SCNN1D: variants seen among roughly 807,000 people sequenced by gnomAD.
SCNN1D encodes sodium channel epithelial 1 subunit delta.
In SCNN1D, 104 loss-of-function variants were observed where a neutral mutation model predicts 87.8. The observed-to-expected ratio is 1.18, with a 90% confidence interval of 1.01 to 1.39. The LOEUF (loss-of-function observed/expected upper bound fraction) is 1.39. SCNN1D is among the 40% of genes most tolerant of loss of function. The pLI, the probability that SCNN1D is intolerant of heterozygous loss-of-function variation, is 0.00. For missense variants in SCNN1D, 1,324 were observed against 1,093.9 expected, an observed-to-expected ratio of 1.21 and a Z score of -2.97; for synonymous variants, 628 against 481.2, an observed-to-expected ratio of 1.31 and a Z score of -3.99.
At chr1:1,282,056 C>A (rs1457132334) in intron 3 of SCNN1D, 186 bp from the exon 4 acceptor site, 1 of 606,502 alleles carries the variant, frequency 1.6e-6, no homozygotes, top group Non-Finnish European at 3.0e-6. Flanking sequence ...GGGGAGAAGC[C>A]CCAGGCCTGT....
At chr1:1,285,905 C>G (rs1006772262) in intron 6 of SCNN1D, 21 bp from the exon 7 acceptor site, 1 of 1,529,986 alleles carries the variant, frequency 6.5e-7, no homozygotes, top group Non-Finnish European at 8.8e-7. Flanking sequence ...CCGGGCCCTG[C>G]TGAGGCCACT....
intron 1 of SCNN1D, chr1:1,281,015 A>C (rs1486685838): frequency 3.3e-6 from 2 of 598,028 alleles, no homozygotes; most frequent in African/African-American, 1.9e-5. Context: ...GCCTGGGTGC[A>C]GGACCCCAGA....
chr1:1,291,743 C>T lies in SCNN1D; in HGVS notation c.*133C>T, dbSNP rs945911363. The T allele has an allele frequency of 7.9e-6, 5 of 629,542 alleles. No individual in the cohort carries two copies. Among genetic ancestry groups the T allele is most frequent in the Non-Finnish European group, 1.3e-5 (5 of 390,238 alleles). 39.0% of individuals were successfully genotyped at this position (629,542 alleles called of 1,614,324 possible). A position where few individuals can be genotyped will look rare whatever the true frequency, so the allele number is the denominator to read the frequency against. Reference sequence around the variant, plus strand: ...GCACACGCGGCCGTGGGGAGGCAGGCACCGGGCATGTCGGCGCCTCTGGTC... The same window carrying T: ...GCACACGCGGCCGTGGGGAGGCAGGTACCGGGCATGTCGGCGCCTCTGGTC... On this transcript the variant is annotated 3_prime_UTR_variant, in exon 18 of 18. Transcript: ENST00000379116.
At chr1:1,288,255 TCCCGTGTCTCTGCTCCGTCCCCCGA>T (rs1640662994) in intron 12 of SCNN1D, among the ~76,000 whole-genome samples, 2 of 112,192 alleles carry the variant, frequency 1.8e-5, no homozygotes, top group Non-Finnish European at 3.6e-5. Context: ...CTCTGCTCCG[TCCCGTGTCTCTGCTCCGTCCCCCGA>T]GTCTCTGCTC....
Position 1,291,359 on chromosome 1 carries a change from C to T in SCNN1D, c.2158C>T (p.Leu720Phe). The change falls in exon 18 of 18, where the codon CTC becomes TTC. Residue 720 changes from leucine (L) to phenylalanine (F), a missense_variant. Physicochemically the swap from Leu to Phe is conservative, Grantham distance 22. Coordinates refer to ENST00000379116, the MANE Select transcript of SCNN1D (RefSeq NM_001130413.4). ...LLELLLDASA[L>F]TLVLGGRRLR... ...GGAGCTGCTGCTCGATGCTTCTGCC[C>T]TCACCCTGGTGCTAGGCGGCCGCCG... 3 of 1,608,604 alleles carry T rather than the reference C, an allele frequency of 1.9e-6. No homozygotes were observed. Among genetic ancestry groups the T allele is most frequent in the South Asian group, 2.2e-5 (2 of 90,496 alleles).
intron 12 of SCNN1D, among the ~76,000 whole-genome samples, chr1:1,288,355 CT>C: frequency 1.7e-5 from 1 of 58,594 alleles, no homozygotes; most frequent in Non-Finnish European, 2.7e-5. Context: ...TCCCCCGTGT[CT>C]CTGCTCCGTC....
In SCNN1D at chr1:1,291,817, G is replaced by A. The variant is rs1262358585; in HGVS notation, c.*207G>A. The A allele has an allele frequency of 4.3e-6, 2 of 462,726 alleles. No individual in the cohort carries two copies. Among genetic ancestry groups the A allele is most frequent in the African/African-American group, 4.0e-5 (2 of 49,764 alleles). 28.7% of individuals were successfully genotyped at this position (462,726 alleles called of 1,614,324 possible). A position where few individuals can be genotyped will look rare whatever the true frequency, so the allele number is the denominator to read the frequency against. ...GGGTCTCAAGGAGGCCCGGGGCGGA[G>A]GGGGGTTCCCGCGTGCACACGAGTG... On this transcript the variant is annotated 3_prime_UTR_variant, in exon 18 of 18. Coordinates refer to ENST00000379116, the MANE Select transcript of SCNN1D (RefSeq NM_001130413.4).
chr1:1,284,247 G>A (rs1175194961), intron 5 of SCNN1D, among the ~76,000 whole-genome samples, 157 bp downstream of exon 5: 4 of 87,436 alleles, frequency 4.6e-5, no homozygotes, highest in African/African-American at 1.4e-4. Context: ...CCACCTCAAG[G>A]TACCAAGGTG....
chr1:1,288,520 C>T (rs201609365), intron 12 of SCNN1D, among the ~76,000 whole-genome samples: 3,245 of 7,804 alleles, frequency 0.42, 235 homozygotes, highest in East Asian at 0.64. Context: ...GTCCCGTGTC[C>T]CTGCTCCGTC....
chr1:1,284,540 G>A (rs1034466845), intron 5 of SCNN1D, among the ~76,000 whole-genome samples: 3 of 148,918 alleles, frequency 2.0e-5, no homozygotes, highest in Admixed American at 6.6e-5. Flanking sequence ...AGCGTGTGCT[G>A]GACCACGGGG....
intron 1 of SCNN1D, chr1:1,280,923 G>C (rs1640457618): frequency 5.1e-6 from 3 of 584,396 alleles, no homozygotes; most frequent in Non-Finnish European, 9.2e-6. Context: ...TGCCACCTTA[G>C]TGCCTGTTCT....
intron 11 of SCNN1D, 26 bp from the exon 12 acceptor site, chr1:1,287,913 C>G: frequency 6.5e-7 from 1 of 1,529,396 alleles, no homozygotes; most frequent in Non-Finnish European, 8.8e-7. Flanking sequence ...GGGCAGGGCC[C>G]ATGGAACTGA....
intron 6 of SCNN1D, 45 bp from the exon 7 acceptor site, chr1:1,285,881 T>G (rs1400788036): frequency 6.7e-7 from 1 of 1,499,768 alleles, no homozygotes; most frequent in South Asian, 1.3e-5. Flanking sequence ...TAGGGAGGCC[T>G]GAGTGGGTGC....
In SCNN1D at chr1:1,287,295, G is replaced by GC; in HGVS notation, c.1309dup (p.Arg437ProfsTer39). 6.3e-7 allele frequency: 1 copy of GC among 1,589,988 alleles called. No individual in the cohort carries two copies. Among genetic ancestry groups the GC allele is most frequent in the Non-Finnish European group, 8.6e-7 (1 of 1,165,296 alleles). On this transcript the variant is annotated frameshift_variant, in exon 9 of 18. Transcript: ENST00000379116. LOFTEE classifies it high-confidence loss of function. ...CAGTTACGATGGCCTGGACTGCCAG[G>GC]CCCGGTGAGTGTGGCGGGCGGGGGC...
intron 12 of SCNN1D, among the ~76,000 whole-genome samples, 192 bp downstream of exon 12, chr1:1,288,229 CTGCTCCGTCCCGTGTCT>C (rs1640659110): frequency 2.8e-5 from 4 of 143,454 alleles, no homozygotes; most frequent in Non-Finnish European, 4.6e-5. Context: ...TCCCGTGTCT[CTGCTCCGTCCCGTGTCT>C]CTGCTCCGTC....
chr1:1,291,427 C>G lies in SCNN1D; in HGVS notation c.2226C>G (p.Ala742=). The change falls in exon 18 of 18, where the codon GCC becomes GCG. Residue 742 remains alanine (A), a synonymous_variant. Coordinates refer to ENST00000379116, the MANE Select transcript of SCNN1D (RefSeq NM_001130413.4). Reference sequence around the variant, plus strand: ...TCTCCTGGCCCAGAGCCAGCCCTGCCTCAGGGGCGTCCAGCATCAAGCCAG... The same window carrying G: ...TCTCCTGGCCCAGAGCCAGCCCTGCGTCAGGGGCGTCCAGCATCAAGCCAG... The part of the protein sequence containing the change: ...AWFSWPRASP[A]SGASSIKPEA... The G allele has an allele frequency of 6.2e-7, 1 of 1,607,046 alleles. No individual in the cohort carries two copies. The highest frequency in any genetic ancestry group is 8.5e-7 in the Non-Finnish European group (1 of 1,177,286).
intron 3 of SCNN1D, 142 bp from the exon 4 acceptor site, chr1:1,282,100 G>A: frequency 3.1e-6 from 2 of 638,712 alleles, no homozygotes; most frequent in Non-Finnish European, 2.9e-6. Context: ...TGACCTGTGG[G>A]GTCTCTGTGA....
At position 1,290,628 on chromosome 1, in the gene SCNN1D, C is replaced by G. The variant is rs780300997; in HGVS notation, c.1860-9C>G. On this transcript the variant is annotated splice_polypyrimidine_tract_variant and intron_variant, in intron 14 of 17. Transcript: ENST00000379116. ...AGCGTGGCAGGTGACACCCGGCTGT[C>G]TCTTCCAGGGAGTCTGCATTCAAGC... 12 of 1,612,532 alleles carry G rather than the reference C, an allele frequency of 7.4e-6. No individual in the cohort carries two copies. Among genetic ancestry groups the G allele is most frequent in the Non-Finnish European group, 9.3e-6 (11 of 1,179,938 alleles).
rs547598696 is a variant in SCNN1D at position 1,281,402 on chromosome 1, C to G, written c.78-9C>G. 7 of 1,523,058 alleles carry G rather than the reference C, an allele frequency of 4.6e-6. No individual in the cohort carries two copies. The Admixed American group carries it at 9.9e-5, about 22-fold the overall frequency. 94.3% of individuals were successfully genotyped at this position (1,523,058 alleles called of 1,614,324 possible). Reference sequence around the variant, plus strand: ...CCAGGGATGCCTGCCCGTCCCTTCTCTCATTCAGGCTCACCTGGTCATGGT... The same window carrying G: ...CCAGGGATGCCTGCCCGTCCCTTCTGTCATTCAGGCTCACCTGGTCATGGT... On this transcript the variant is annotated splice_polypyrimidine_tract_variant and intron_variant, in intron 2 of 17. Transcript: ENST00000379116.
Sources: allele counts gnomAD v4.1 joint callset (sites outside exome capture counted in the v4.1 genomes callset), GRCh38; gene constraint gnomAD v4.1.1; transcripts MANE v1.5; gene names NCBI Gene and HGNC (gene_info 2026-07-23, HGNC 2026-07-21).